SLC25A21: variants seen among roughly 807,000 people sequenced by gnomAD.
SLC25A21 encodes the protein mitochondrial 2-oxodicarboxylate carrier.
SLC25A21 carries 47 observed loss-of-function variants against 43.8 expected under a neutral mutation model. The observed-to-expected ratio is 1.07, with a 90% CI of 0.85 to 1.37. SLC25A21 has a LOEUF of 1.37. SLC25A21 is among the 40% of genes most tolerant of loss of function. The probability of loss-of-function intolerance (pLI) is 0.00; values close to 1 mark genes in which losing one functional copy is unlikely to be tolerated. For synonymous variants in SLC25A21, 131 were observed against 121.3 expected, an observed-to-expected ratio of 1.08 and a Z score of -0.52; for missense variants, 352 against 350.2, an observed-to-expected ratio of 1.00 and a Z score of -0.04.
intron 3 of SLC25A21, among the ~76,000 whole-genome samples, chr14:36,792,569 A>G (rs1489359410): frequency 6.6e-6 from 1 of 152,208 alleles, no homozygotes; most frequent in Non-Finnish European, 1.5e-5. Context: ...AAATGTCCAA[A>G]GTGCAGGCAA....
At chr14:37,169,905 CTAT>C (rs1964093186) in intron 1 of SLC25A21, among the ~76,000 whole-genome samples, 1 of 152,046 alleles carries the variant, frequency 6.6e-6, no homozygotes, top group Non-Finnish European at 1.5e-5. Context: ...ATCAACTATG[CTAT>C]TTTTTATCTT....
At chr14:37,071,517 G>A (rs1962169024) in intron 1 of SLC25A21, among the ~76,000 whole-genome samples, 1 of 152,152 alleles carries the variant, frequency 6.6e-6, no homozygotes, top group Non-Finnish European at 1.5e-5. Flanking sequence ...GAGCTAGAAG[G>A]TAGCTTCAGA....
intron 1 of SLC25A21, among the ~76,000 whole-genome samples, chr14:36,962,762 C>T (rs938947268): frequency 5.3e-5 from 8 of 152,076 alleles, no homozygotes; most frequent in Non-Finnish European, 1.2e-4. Context: ...AATTATTCAC[C>T]AGTTTGATTC....
chr14:36,979,498 G>A (rs749522636), intron 1 of SLC25A21, among the ~76,000 whole-genome samples: 2 of 151,974 alleles, frequency 1.3e-5, no homozygotes, highest in Admixed American at 6.6e-5. Flanking sequence ...TGTGACTACC[G>A]GTGTGCGCTG....
chr14:36,959,807 A>G (rs1464051403), intron 1 of SLC25A21, among the ~76,000 whole-genome samples: 2 of 152,184 alleles, frequency 1.3e-5, no homozygotes, highest in Non-Finnish European at 2.9e-5. Context: ...TGGCTCAAAC[A>G]TCTATCTTCT....
At position 36,679,923 on chromosome 14, in the gene SLC25A21, T is replaced by C. The variant is rs1882131651; in HGVS notation, c.*735A>G. On this transcript the variant is annotated 3_prime_UTR_variant, in exon 10 of 10. Coordinates refer to ENST00000331299, the MANE Select transcript of SLC25A21 (RefSeq NM_030631.4). ...GTTTCCTACTTGTGTTAGAAGAGAT[T>C]TGGAATACCTTGATTTAAACATGCT... 5.4e-6 allele frequency: 5 copies of C among 931,958 alleles called. No individual in the cohort carries two copies. In the African/African-American group the frequency reaches 9.0e-5, roughly 17 times the overall value. 57.7% of individuals were successfully genotyped at this position (931,958 alleles called of 1,614,324 possible). A position where few individuals can be genotyped will look rare whatever the true frequency, so the allele number is the denominator to read the frequency against.
intron 1 of SLC25A21, among the ~76,000 whole-genome samples, chr14:36,980,942 C>T (rs1015269382): frequency 3.9e-5 from 6 of 152,112 alleles, no homozygotes; most frequent in East Asian, 3.8e-4. Flanking sequence ...ATCTACCCAT[C>T]GGACAAAGGG....
intron 1 of SLC25A21, among the ~76,000 whole-genome samples, chr14:37,170,182 G>T (rs1459437765): frequency 1.3e-5 from 2 of 151,386 alleles, no homozygotes; most frequent in African/African-American, 4.8e-5. Flanking sequence ...ACTGTAGCCG[G>T]ACACCACCAA....
chr14:36,784,937 T>C (rs1887194766), intron 3 of SLC25A21, among the ~76,000 whole-genome samples: 1 of 152,214 alleles, frequency 6.6e-6, no homozygotes, highest in Admixed American at 6.5e-5. Context: ...ATTGCAACAT[T>C]AGAACTGGTA....
chr14:36,929,223 A>G (rs1405853485), intron 1 of SLC25A21, among the ~76,000 whole-genome samples: 3 of 152,202 alleles, frequency 2.0e-5, no homozygotes, highest in African/African-American at 7.2e-5. Flanking sequence ...TCCACTTAGC[A>G]TGATGCCTAG....
intron 1 of SLC25A21, among the ~76,000 whole-genome samples, chr14:37,055,581 C>T (rs1439097064): frequency 6.6e-6 from 1 of 152,108 alleles, no homozygotes; most frequent in Non-Finnish European, 1.5e-5. Context: ...TGGGCCTGAG[C>T]TGCCGAACAT....
intron 1 of SLC25A21, among the ~76,000 whole-genome samples, chr14:36,986,872 G>A (rs774531192): frequency 6.6e-6 from 1 of 152,082 alleles, no homozygotes; most frequent in Non-Finnish European, 1.5e-5. Flanking sequence ...AAGTTAAGTT[G>A]TACTAAGCAG....
intron 1 of SLC25A21, among the ~76,000 whole-genome samples, chr14:37,031,336 T>A (rs1961206474): frequency 6.6e-6 from 1 of 152,206 alleles, no homozygotes; most frequent in Non-Finnish European, 1.5e-5. Context: ...AAAAAATTTT[T>A]AAAAAAGAAT....
chr14:36,700,701 C>A (rs1883243179), intron 7 of SLC25A21, among the ~76,000 whole-genome samples: 1 of 152,136 alleles, frequency 6.6e-6, no homozygotes. Flanking sequence ...GCCATGTCAC[C>A]CTCCTCTTGT....
intron 3 of SLC25A21, among the ~76,000 whole-genome samples, chr14:36,807,844 C>T (rs1410555135): frequency 6.6e-6 from 1 of 152,144 alleles, no homozygotes; most frequent in Non-Finnish European, 1.5e-5. Flanking sequence ...AGTGAGTATA[C>T]CTCCTGGGGC....
chr14:36,801,403 C>T (rs1452786624), intron 3 of SLC25A21, among the ~76,000 whole-genome samples: 2 of 152,140 alleles, frequency 1.3e-5, no homozygotes, highest in Non-Finnish European at 2.9e-5. Context: ...TGAACACCAA[C>T]CTACAACTCC....
At chr14:37,103,883 C>T in intron 1 of SLC25A21, among the ~76,000 whole-genome samples, 1 of 152,160 alleles carries the variant, frequency 6.6e-6, no homozygotes, top group East Asian at 1.9e-4. Context: ...TTGCTGTTTG[C>T]CAGAATTTTC....
chr14:37,059,802 G>A (rs1961905913), intron 1 of SLC25A21, among the ~76,000 whole-genome samples: 1 of 152,104 alleles, frequency 6.6e-6, no homozygotes, highest in Non-Finnish European at 1.5e-5. Flanking sequence ...TGAGGGCATG[G>A]GTGGAGTCAG....
chr14:36,967,983 T>C (rs1959658502), intron 1 of SLC25A21, among the ~76,000 whole-genome samples: 1 of 152,188 alleles, frequency 6.6e-6, no homozygotes, highest in African/African-American at 2.4e-5. Flanking sequence ...TTAAGAGCTC[T>C]AACCTAAGCA....
Sources: gnomAD v4.1 joint callset for allele counts (sites outside exome capture counted in the v4.1 genomes callset) on GRCh38, gnomAD v4.1.1 for gene constraint, MANE v1.5 for transcripts, NCBI Gene and HGNC (gene_info 2026-07-23, HGNC 2026-07-21) for gene names.